MYT1L: variants seen among roughly 807,000 people sequenced by gnomAD.
MYT1L encodes the protein myelin transcription factor 1-like protein.
Under a neutral mutation model 126.7 loss-of-function variants are expected in MYT1L, and 12 were observed. The ratio of observed to expected loss-of-function variants is 0.09; its 90% CI spans 0.06 to 0.15. The LOEUF (loss-of-function observed/expected upper bound fraction) is 0.15, where lower values mean the gene tolerates loss of function less well. Ranked by LOEUF, MYT1L falls within the 10% of genes least tolerant of loss-of-function variation. The probability of loss-of-function intolerance (pLI) is 1.00; values close to 1 mark genes in which losing one functional copy is unlikely to be tolerated. For missense variants in MYT1L, 979 were observed against 1,585.2 expected, an observed-to-expected ratio of 0.62 and a Z score of 6.49; for synonymous variants, 541 against 604.2, an observed-to-expected ratio of 0.90 and a Z score of 1.53.
intron 4 of MYT1L, among the ~76,000 whole-genome samples, chr2:2,043,191 A>G (rs1296668526): frequency 6.6e-6 from 1 of 152,108 alleles, no homozygotes; most frequent in Non-Finnish European, 1.5e-5. Context: ...TGCCCTGTGG[A>G]TGATTCCTCC....
At chr2:2,108,536 G>T (rs997997278) in intron 3 of MYT1L, among the ~76,000 whole-genome samples, 5 of 152,160 alleles carry the variant, frequency 3.3e-5, no homozygotes, top group Admixed American at 2.6e-4. Flanking sequence ...ACAATTCAAA[G>T]ACCTTCAAAT....
intron 22 of MYT1L, among the ~76,000 whole-genome samples, chr2:1,805,371 G>A (rs1190922997): frequency 6.6e-6 from 1 of 152,140 alleles, no homozygotes; most frequent in African/African-American, 2.4e-5. Flanking sequence ...ACAGTGTCTG[G>A]GCCTCACATG....
At chr2:1,996,924 T>C (rs1406652896) in intron 5 of MYT1L, among the ~76,000 whole-genome samples, 1 of 139,654 alleles carries the variant, frequency 7.2e-6, no homozygotes, top group African/African-American at 2.7e-5. Context: ...TGCCTTTACC[T>C]AGTGAGTGAG....
intron 19 of MYT1L, among the ~76,000 whole-genome samples, chr2:1,850,955 C>A (rs1012584762): frequency 2.0e-5 from 3 of 152,268 alleles, no homozygotes; most frequent in African/African-American, 7.2e-5. Context: ...CCTGCCCACC[C>A]CGCTTGAATA....
intron 2 of MYT1L, among the ~76,000 whole-genome samples, chr2:2,259,161 G>A (rs540141165): frequency 1.5e-5 from 1 of 67,392 alleles, no homozygotes; most frequent in Admixed American, 1.6e-4. Flanking sequence ...ACCAAACACC[G>A]CATATTCTCA....
intron 1 of MYT1L, chr2:2,324,510 G>A (rs2096219221): frequency 6.6e-6 from 1 of 152,642 alleles, no homozygotes; most frequent in Admixed American, 6.5e-5. Context: ...ATGGACAAAA[G>A]TAATAATGCT....
intron 8 of MYT1L, among the ~76,000 whole-genome samples, chr2:1,970,323 G>C (rs907680474): frequency 6.6e-6 from 1 of 152,100 alleles, no homozygotes; most frequent in East Asian, 1.9e-4. Context: ...GGCTACTCCA[G>C]AAGTATTTGC....
chr2:2,163,054 T>C (rs540019193), intron 3 of MYT1L, among the ~76,000 whole-genome samples: 3 of 152,154 alleles, frequency 2.0e-5, no homozygotes, highest in Admixed American at 1.3e-4. Context: ...AGGTAGAATG[T>C]AGAAATAAGA....
chr2:2,141,437 T>C (rs988261348), intron 3 of MYT1L, among the ~76,000 whole-genome samples: 2 of 152,182 alleles, frequency 1.3e-5, no homozygotes, highest in Non-Finnish European at 2.9e-5. Flanking sequence ...ACACATTCCC[T>C]TTTCCCATCT....
chr2:2,253,554 A>G (rs981182867), intron 2 of MYT1L, among the ~76,000 whole-genome samples: 1 of 152,240 alleles, frequency 6.6e-6, no homozygotes, highest in African/African-American at 2.4e-5. Context: ...GAGTGCCAAG[A>G]AGGGCATGCA....
chr2:1,920,141 G>A (rs535566000), intron 10 of MYT1L, among the ~76,000 whole-genome samples: 5 of 152,324 alleles, frequency 3.3e-5, no homozygotes, highest in Admixed American at 3.3e-4. Context: ...ACAGCTGGGT[G>A]AGACTGGAGT....
At position 2,157,581 on chromosome 2, in the gene MYT1L, G is replaced by A. The variant is rs373807455; in HGVS notation, c.-304+15291C>T. 3.9e-5 allele frequency among the ~76,000 whole-genome samples: 6 copies of A among 152,192 alleles called. No homozygotes were observed. In the East Asian group the frequency reaches 7.8e-4, roughly 20 times the overall value. ...ATCTTCATTCTTGGCAATGTCAGAGGCCAGTGAGAAAGTCAGATGATACAT... is the reference window on the plus strand; with the variant it reads ...ATCTTCATTCTTGGCAATGTCAGAGACCAGTGAGAAAGTCAGATGATACAT... On this transcript the variant is annotated intron_variant, in intron 3 of 24. Transcript: ENST00000647738.
chr2:1,955,081 G>A (rs2058223500), intron 8 of MYT1L, among the ~76,000 whole-genome samples: 3 of 151,586 alleles, frequency 2.0e-5, no homozygotes, highest in Non-Finnish European at 4.4e-5. Context: ...GAACCCAGGA[G>A]GCAGAGCCAA....
At chr2:1,977,472 C>T (rs1250629868) in intron 8 of MYT1L, among the ~76,000 whole-genome samples, 1 of 152,184 alleles carries the variant, frequency 6.6e-6, no homozygotes, top group Non-Finnish European at 1.5e-5. Flanking sequence ...AAAATTATAT[C>T]TAGCTCACAC....
intron 3 of MYT1L, among the ~76,000 whole-genome samples, chr2:2,125,304 T>G (rs777601940): frequency 2.0e-4 from 31 of 152,218 alleles, no homozygotes; most frequent in Admixed American, 3.9e-4. Flanking sequence ...AGTTTTATTA[T>G]GCCACAAAGA....
intron 21 of MYT1L, among the ~76,000 whole-genome samples, chr2:1,812,412 A>G (rs904489975): frequency 6.6e-6 from 1 of 152,158 alleles, no homozygotes; most frequent in Non-Finnish European, 1.5e-5. Flanking sequence ...AGTGCTGGAG[A>G]TGGAATAGGT....
chr2:2,303,160 G>A (rs902354371), intron 1 of MYT1L, among the ~76,000 whole-genome samples: 5 of 152,100 alleles, frequency 3.3e-5, no homozygotes, highest in African/African-American at 4.8e-5. Context: ...GTATCCTGGC[G>A]ATCACCTTCA....
Position 1,910,404 on chromosome 2 carries a change from T to C in MYT1L, c.1710-57A>G. On this transcript the variant is annotated intron_variant, in intron 12 of 24. Transcript: ENST00000647738. The surrounding 1 kb of genome is among the most constrained non-coding windows in gnomAD (Gnocchi z 4.8). The stretch of plus-strand genomic sequence containing the variant: ...CGCCTCAAACACCTTCACAGCACAC[T>C]AATCCTCCCTTAGCACCAAGACCCT... 1 of 1,468,590 alleles carries C rather than the reference T, an allele frequency of 6.8e-7. No homozygotes were observed. Among genetic ancestry groups the C allele is most frequent in the Non-Finnish European group, 9.4e-7 (1 of 1,060,940 alleles). 91.0% of individuals were successfully genotyped at this position (1,468,590 alleles called of 1,614,324 possible).
intron 3 of MYT1L, among the ~76,000 whole-genome samples, chr2:2,116,098 A>G (rs1448052480): frequency 6.6e-6 from 1 of 152,200 alleles, no homozygotes; most frequent in Non-Finnish European, 1.5e-5. Context: ...CCATGGTTCC[A>G]CTCGATGTTC....
Sources: gnomAD v4.1 joint callset for allele counts (sites outside exome capture counted in the v4.1 genomes callset) on GRCh38, gnomAD v4.1.1 for gene constraint, Gnocchi (gnomAD v3.1) non-coding constraint, MANE v1.5 for transcripts, NCBI Gene and HGNC (gene_info 2026-07-23, HGNC 2026-07-21) for gene names.